The following TNFSF11 variants were observed in gnomAD, a reference collection of about 807,000 sequenced individuals.
The protein encoded by TNFSF11 is tumor necrosis factor ligand superfamily member 11.
TNFSF11 carries 12 observed loss-of-function variants against 32.2 expected under a neutral mutation model. That is an observed-to-expected ratio of 0.37 (90% CI 0.24 to 0.60). The LOEUF (loss-of-function observed/expected upper bound fraction) is 0.60. Ranked by LOEUF, TNFSF11 falls within the 20% of genes least tolerant of loss-of-function variation. The probability of loss-of-function intolerance (pLI) is 0.66; values close to 1 mark genes in which losing one functional copy is unlikely to be tolerated. For missense variants in TNFSF11, 345 were observed against 398.0 expected, an observed-to-expected ratio of 0.87 and a Z score of 1.13; for synonymous variants, 172 against 152.1, an observed-to-expected ratio of 1.13 and a Z score of -0.96.
intron 2 of TNFSF11, among the ~76,000 whole-genome samples, chr13:42,589,667 G>A (rs1161540913): frequency 2.6e-5 from 4 of 152,082 alleles, no homozygotes; most frequent in African/African-American, 9.7e-5. Flanking sequence ...ACCACAGTAT[G>A]GTGCTGAACT....
At chr13:42,572,867 G>A (rs369945725), upstream of TNFSF11, among the ~76,000 whole-genome samples, 10 of 152,280 alleles carry the variant, frequency 6.6e-5, no homozygotes, top group South Asian at 1.7e-3. Context: ...TAGGCAGAAA[G>A]AGGATGCAAA....
rs74058740 is a variant in TNFSF11, at chr13:42,602,308, C to G, written c.532+1327C>G. On this transcript the variant is annotated intron_variant, in intron 4 of 4. Coordinates refer to ENST00000398795, the MANE Select transcript of TNFSF11 (RefSeq NM_003701.4). ...CTAACATTCTTGTGTGGAAGAACGGCCATAGTAAGCACTTGGGAGTGTGAT... is the reference window on the plus strand; with the variant it reads ...CTAACATTCTTGTGTGGAAGAACGGGCATAGTAAGCACTTGGGAGTGTGAT... 2.6e-3 allele frequency among the ~76,000 whole-genome samples: 403 copies of G among 152,200 alleles called. 2 individuals carry two copies. The highest frequency in any genetic ancestry group is 9.1e-3 in the African/African-American group (376 of 41,536).
At chr13:42,581,363 G>C in intron 2 of TNFSF11, 70 bp downstream of exon 2, 2 of 1,542,838 alleles carry the variant, frequency 1.3e-6, no homozygotes, top group Non-Finnish European at 1.8e-6. Flanking sequence ...ATTAAAACTG[G>C]CTAAGTGCTG....
chr13:42,601,744 C>T (rs1331990242), intron 4 of TNFSF11, among the ~76,000 whole-genome samples: 1 of 152,198 alleles, frequency 6.6e-6, no homozygotes, highest in African/African-American at 2.4e-5. Context: ...CTCCCTGGCA[C>T]TCTACTGGAG....
chr13:42,595,806 G>A (rs1431714991), intron 2 of TNFSF11, among the ~76,000 whole-genome samples: 1 of 152,170 alleles, frequency 6.6e-6, no homozygotes, highest in East Asian at 1.9e-4. Context: ...AAAGGAGTCG[G>A]GATATTCTTT....
At position 42,606,498 on chromosome 13, in the gene TNFSF11, T is replaced by C. The variant is rs146484645; in HGVS notation, c.534T>C (p.Gly178=). The change falls in exon 5 of 5, where the codon GGT becomes GGC. Residue 178 remains glycine (G), a splice_region_variant and synonymous_variant. Transcript: ENST00000398795. ...LTINATDIPS[G]SHKVSLSSWY... ...ATCTTATGCCTCTCTTCTCCACAGG[T>C]TCCCATAAAGTGAGTCTGTCCTCTT... 3.1e-4 allele frequency: 507 copies of C among 1,614,104 alleles called. 1 individual carries two copies. Among genetic ancestry groups the C allele is most frequent in the Non-Finnish European group, 3.6e-4 (425 of 1,180,036 alleles).
chr13:42,587,036 G>A (rs1873932602), intron 2 of TNFSF11, among the ~76,000 whole-genome samples: 1 of 152,200 alleles, frequency 6.6e-6, no homozygotes, highest in Non-Finnish European at 1.5e-5. Flanking sequence ...CATCCATTCA[G>A]TGAACTAACT....
At chr13:42,586,343 A>G (rs913786533) in intron 2 of TNFSF11, among the ~76,000 whole-genome samples, 7 of 152,354 alleles carry the variant, frequency 4.6e-5, no homozygotes, top group African/African-American at 1.7e-4. Context: ...GTAAACTAAT[A>G]TTTTACATCA....
At chr13:42,600,074 G>A (rs1323566403) in intron 2 of TNFSF11, among the ~76,000 whole-genome samples, 1 of 152,106 alleles carries the variant, frequency 6.6e-6, no homozygotes, top group African/African-American at 2.4e-5. Flanking sequence ...TGGGCATGTG[G>A]TTACCTATTT....
chr13:42,566,991 C>G (rs2137842483), intron 2 of TNFSF11, among the ~76,000 whole-genome samples: 1 of 112,880 alleles, frequency 8.9e-6, no homozygotes, highest in African/African-American at 3.8e-5. Context: ...GACTCTGTCT[C>G]AAAAAATAAA....
At chr13:42,597,315 A>G (rs996127498) in intron 2 of TNFSF11, among the ~76,000 whole-genome samples, 5 of 140,780 alleles carry the variant, frequency 3.6e-5, no homozygotes, top group Non-Finnish European at 6.2e-5. Context: ...GTTTTAATTC[A>G]TCCTGGGTCA....
At chr13:42,590,997 T>G (rs1055279165) in intron 2 of TNFSF11, among the ~76,000 whole-genome samples, 13 of 152,330 alleles carry the variant, frequency 8.5e-5, no homozygotes, top group Non-Finnish European at 1.2e-4. Flanking sequence ...AGACTTCTTT[T>G]GGAAGAAATG....
chr13:42,591,200 G>A (rs1566382388), intron 2 of TNFSF11, among the ~76,000 whole-genome samples: 1 of 152,162 alleles, frequency 6.6e-6, no homozygotes, highest in Non-Finnish European at 1.5e-5. Flanking sequence ...CAAGAGTTTG[G>A]CTTTGGGAGA....
intron 1 of TNFSF11, among the ~76,000 whole-genome samples, chr13:42,578,627 C>T (rs56144965): frequency 0.37 from 55,798 of 151,964 alleles, 11,215 homozygotes; most frequent in East Asian, 0.45. Flanking sequence ...TATAATGCTG[C>T]CTTCCAAAAC....
At chr13:42,599,380 CT>C (rs1467858047) in intron 2 of TNFSF11, among the ~76,000 whole-genome samples, 1 of 151,448 alleles carries the variant, frequency 6.6e-6, no homozygotes, top group Non-Finnish European at 1.5e-5. Context: ...ATCTATCTAT[CT>C]ATCTGTCTAT....
chr13:42,565,390 T>A (rs8001800), intron 1 of TNFSF11, among the ~76,000 whole-genome samples: 151,972 of 152,242 alleles, frequency 1, 75,852 homozygotes, highest in Middle Eastern at 1. Flanking sequence ...CTTTGCATCT[T>A]TTAGGTTCTA....
At chr13:42,582,836 C>T (rs1236677123) in intron 2 of TNFSF11, among the ~76,000 whole-genome samples, 1 of 152,102 alleles carries the variant, frequency 6.6e-6, no homozygotes, top group Non-Finnish European at 1.5e-5. Flanking sequence ...ACTTGTGAAG[C>T]TTATCTCTTA....
At chr13:42,586,164 A>G (rs1873888300) in intron 2 of TNFSF11, among the ~76,000 whole-genome samples, 1 of 152,200 alleles carries the variant, frequency 6.6e-6, no homozygotes, top group Admixed American at 6.5e-5. Context: ...TTTTTCCCTG[A>G]TGGAGCTGCA....
At chr13:42,581,086 TG>T in intron 1 of TNFSF11, 39 bp from the exon 2 acceptor site, 1 of 1,609,100 alleles carries the variant, frequency 6.2e-7, no homozygotes. Flanking sequence ...GGATGACTAG[TG>T]ATAAGCACTC....
Sources: gnomAD v4.1 joint callset for allele counts (sites outside exome capture counted in the v4.1 genomes callset) on GRCh38, gnomAD v4.1.1 for gene constraint, MANE v1.5 for transcripts, NCBI Gene and HGNC (gene_info 2026-07-23, HGNC 2026-07-21) for gene names.